Variants in TRIP13 observed in about 807,000 individuals in gnomAD.
The protein encoded by TRIP13 is thyroid hormone receptor interactor 13.
TRIP13 carries 25 observed loss-of-function variants against 54.4 expected under a neutral mutation model. The observed-to-expected ratio is 0.46, with a 90% confidence interval of 0.33 to 0.64. The LOEUF (loss-of-function observed/expected upper bound fraction) is 0.64. TRIP13 is among the 30% of genes least tolerant of loss of function. TRIP13 has a pLI of 0.02. For synonymous variants in TRIP13, 207 were observed against 207.8 expected (o/e 1.00, Z 0.03); for missense variants, 373 against 534.2 (o/e 0.70, Z 2.97).
At chr5:909,683 C>T (rs532947343) in intron 9 of TRIP13, among the ~76,000 whole-genome samples, 13 of 152,318 alleles carry the variant, frequency 8.5e-5, no homozygotes, top group African/African-American at 2.6e-4. Context: ...GGTTTACCCA[C>T]GTATTTATTA....
chr5:910,356 G>T lies in TRIP13; in HGVS notation c.867-1487G>T, dbSNP rs371229850. 1.4e-4 allele frequency among the ~76,000 whole-genome samples: 22 copies of T among 152,282 alleles called. 1 individual carries two copies. The East Asian group carries it at 3.9e-3, about 27-fold the overall frequency. On this transcript the variant is annotated intron_variant, in intron 9 of 12. Coordinates refer to ENST00000166345, the MANE Select transcript of TRIP13 (RefSeq NM_004237.4). ...GAGGGGTCTACACAGCCTGTCTGTGGCCTTCTCTCCTGGCGTGTGCCCCTT... is the reference window on the plus strand; with the variant it reads ...GAGGGGTCTACACAGCCTGTCTGTGTCCTTCTCTCCTGGCGTGTGCCCCTT...
At position 908,251 on chromosome 5, in the gene TRIP13, C is replaced by A; in HGVS notation, c.760-104C>A. On this transcript the variant is annotated intron_variant, in intron 8 of 12. Transcript: ENST00000166345. The surrounding 1 kb of genome is among the most constrained non-coding windows in gnomAD (Gnocchi z 5.2). ...CATCCGCAGGCTAGGCACGGGAACA[C>A]CCATTCATTCATCTTTTTCACGTGC... 1 of 1,435,932 alleles carries A rather than the reference C, an allele frequency of 7.0e-7. No individual in the cohort carries two copies. The highest frequency in any genetic ancestry group is 1.7e-5 in the Admixed American group (1 of 57,830). The allele number at this position is 1,435,932 out of a possible 1,614,324, so 88.9% of individuals were successfully genotyped here.
chr5:906,284 T>TC (rs142941086), intron 6 of TRIP13, among the ~76,000 whole-genome samples: 12,368 of 152,184 alleles, frequency 0.081, 733 homozygotes, highest in African/African-American at 0.17. Flanking sequence ...AGTACAAAGA[T>TC]CTGGAAATAT....
rs1405365034 is a variant in TRIP13, at chr5:908,088, G to C, written c.759+14G>C. ...CTGATTGATGAGGTAGGCATTTCCA[G>C]ATAAGGAAATTCATGACAGAATCGC... On this transcript the variant is annotated intron_variant, in intron 8 of 12. Transcript: ENST00000166345. The surrounding 1 kb of genome is among the most constrained non-coding windows in gnomAD (Gnocchi z 5.2). The C allele has an allele frequency of 6.2e-7, 1 of 1,613,454 alleles. No individual in the cohort carries two copies. The highest frequency in any genetic ancestry group is 1.1e-5 in the South Asian group (1 of 91,066).
intron 11 of TRIP13, among the ~76,000 whole-genome samples, chr5:914,968 G>A (rs566273127): frequency 3.7e-4 from 57 of 152,278 alleles, no homozygotes; most frequent in African/African-American, 1.4e-3. Flanking sequence ...GGTTCCAGCT[G>A]GAGAGAAATC....
rs551578604 is a variant in TRIP13, at chr5:894,479, T to C, written c.93-308T>C. Among the ~76,000 whole-genome samples, 3 of 152,358 alleles carry C rather than the reference T, an allele frequency of 2.0e-5. No homozygotes were observed. In the East Asian group the frequency reaches 5.8e-4, roughly 29 times the overall value. On this transcript the variant is annotated intron_variant, in intron 1 of 12. Transcript: ENST00000166345. Reference sequence around the variant, plus strand: ...AGCCAACATTATTGCGTGCTTACTATGTGCCAGGTATCGTCCTAAACACTT... The same window carrying C: ...AGCCAACATTATTGCGTGCTTACTACGTGCCAGGTATCGTCCTAAACACTT...
At chr5:914,635 G>A (rs1754305991) in intron 11 of TRIP13, 58 bp downstream of exon 11, 34 of 1,425,168 alleles carry the variant, frequency 2.4e-5, no homozygotes, top group Non-Finnish European at 3.3e-5. Flanking sequence ...ATTAACTAGG[G>A]AGTCATTGTT....
chr5:916,902 C>A (rs949095420), intron 12 of TRIP13, 106 bp from the exon 13 acceptor site: 21 of 888,988 alleles, frequency 2.4e-5, no homozygotes, highest in African/African-American at 6.8e-5. Flanking sequence ...AGCTACCACC[C>A]CCTTCTGTGC....
chr5:917,098 A>G lies in TRIP13; in HGVS notation c.1294A>G (p.Ile432Val), dbSNP rs200263887. ...AGAGAGAAAGAAGCTTGCAGCTTAC[A>G]TCTGATCCTGGGCTTCCCCATCTGG... Reference protein sequence around the residue: ...FEERKKLAAYI With the variant: ...FEERKKLAAYV Residue 432 changes from isoleucine (I) to valine (V), a missense_variant, in exon 13 of 13, where the codon ATC (isoleucine) becomes GTC (valine). Ile to Val is a conservative substitution (Grantham distance 29). Around this residue, in one of 4 missense-constraint regions of TRIP13, gnomAD observed 101 missense variants for 138.5 expected, o/e 0.73. Coordinates refer to ENST00000166345, the MANE Select transcript of TRIP13 (RefSeq NM_004237.4). 8.7e-5 allele frequency: 140 copies of G among 1,614,050 alleles called. 1 individual carries two copies. In the East Asian group the frequency reaches 1.7e-3, roughly 20 times the overall value.
intron 9 of TRIP13, among the ~76,000 whole-genome samples, chr5:910,300 C>G (rs1754204072): frequency 6.6e-6 from 1 of 152,368 alleles, no homozygotes; most frequent in South Asian, 2.1e-4. Flanking sequence ...TCCTGTCTCC[C>G]CGGTTTATGC....
chr5:906,468 GTCTC>G, intron 6 of TRIP13, among the ~76,000 whole-genome samples: 1 of 152,086 alleles, frequency 6.6e-6, no homozygotes, highest in Non-Finnish European at 1.5e-5. Flanking sequence ...TCAGTAAACG[GTCTC>G]TCTCTTTTTT....
chr5:908,451 C>A lies in TRIP13; in HGVS notation c.856C>A (p.Gln286Lys). 3.7e-6 allele frequency: 6 copies of A among 1,613,762 alleles called. No individual in the cohort carries two copies. Among genetic ancestry groups the A allele is most frequent in the Non-Finnish European group, 5.1e-6 (6 of 1,180,030 alleles). Residue 286 changes from glutamine (Q) to lysine (K), a missense_variant, in exon 9 of 13, where the codon CAG becomes AAG. Transcript: ENST00000166345. This position sits in a 1 kb window ranked among gnomAD's most constrained non-coding sequence, Gnocchi z 5.2. ...VVNAVLTQIDQIKRHSNVVIL... is the reference protein window; with the variant it reads ...VVNAVLTQIDKIKRHSNVVIL... Reference sequence around the variant, plus strand: ...CAATGCTGTCTTGACCCAAATTGATCAGATTAAAAGGTAACCAGGACATGC... The same window carrying A: ...CAATGCTGTCTTGACCCAAATTGATAAGATTAAAAGGTAACCAGGACATGC...
intron 1 of TRIP13, among the ~76,000 whole-genome samples, chr5:894,162 G>A (rs1157111249): frequency 1.3e-5 from 2 of 152,160 alleles, no homozygotes; most frequent in African/African-American, 4.8e-5. Flanking sequence ...CTGTCCAGGA[G>A]GGCTCAGAGG....
chr5:892,900 CG>C lies in TRIP13; in HGVS notation c.-95del. 8.2e-7 allele frequency: 1 copy of C among 1,226,058 alleles called. No individual in the cohort carries two copies. Among genetic ancestry groups the C allele is most frequent in the Non-Finnish European group, 1.1e-6 (1 of 929,478 alleles). 75.9% of individuals were successfully genotyped at this position (1,226,058 alleles called of 1,614,324 possible). On this transcript the variant is annotated 5_prime_UTR_variant, in exon 1 of 13. Coordinates refer to ENST00000166345, the MANE Select transcript of TRIP13 (RefSeq NM_004237.4). ...TCGCGCGGCAGATTCGAAGCTAGGG[CG>C]GGGCCCGCGGGCTGAGGCAGCGGCT...
chr5:896,256 G>A (rs1009693600), intron 2 of TRIP13, among the ~76,000 whole-genome samples: 2 of 152,226 alleles, frequency 1.3e-5, no homozygotes, highest in African/African-American at 4.8e-5. Context: ...TAATGTTGCT[G>A]TGAGCTGTGA....
At chr5:903,436 A>T (rs1394900160) in intron 5 of TRIP13, among the ~76,000 whole-genome samples, 2 of 152,202 alleles carry the variant, frequency 1.3e-5, no homozygotes, top group Non-Finnish European at 2.9e-5. Context: ...AGTAATTGCT[A>T]CAAATTAATG....
intron 3 of TRIP13, among the ~76,000 whole-genome samples, chr5:900,123 A>G (rs1753949931): frequency 1.3e-5 from 2 of 152,266 alleles, no homozygotes; most frequent in Admixed American, 6.5e-5. Context: ...TAATGAAAAC[A>G]TATTGTGGGG....
rs758547905 is a variant in TRIP13 at position 911,831 on chromosome 5, C to G, written c.867-12C>G. On this transcript the variant is annotated splice_polypyrimidine_tract_variant and intron_variant, in intron 9 of 12. Coordinates refer to ENST00000166345, the MANE Select transcript of TRIP13 (RefSeq NM_004237.4). The surrounding 1 kb of genome is among the most constrained non-coding windows in gnomAD (Gnocchi z 4.7). ...CGTGATGACTGTGGTGCTTGCTTCTCGGCCACAACAGGCATTCCAATGTTG... is the reference window on the plus strand; with the variant it reads ...CGTGATGACTGTGGTGCTTGCTTCTGGGCCACAACAGGCATTCCAATGTTG... 4 of 1,603,832 alleles carry G rather than the reference C, an allele frequency of 2.5e-6. No individual in the cohort carries two copies. The highest frequency in any genetic ancestry group is 2.6e-6 in the Non-Finnish European group (3 of 1,175,700).
intron 6 of TRIP13, among the ~76,000 whole-genome samples, chr5:904,861 T>C (rs572206748): frequency 6.6e-6 from 1 of 152,254 alleles, no homozygotes; most frequent in East Asian, 1.9e-4. Context: ...TTTTTCATTA[T>C]GTTCTCGTTC....
Sources: gnomAD v4.1 joint callset for allele counts (sites outside exome capture counted in the v4.1 genomes callset) on GRCh38, gnomAD v4.1.1 for gene constraint, gnomAD v4.1.1 regional missense constraint, Gnocchi (gnomAD v3.1) non-coding constraint, MANE v1.5 for transcripts, NCBI Gene and HGNC (gene_info 2026-07-23, HGNC 2026-07-21) for gene names.